ZEB1: variants seen among roughly 807,000 people sequenced by gnomAD.
The protein encoded by ZEB1 is zinc finger E-box binding homeobox 1.
Under a neutral mutation model 84.9 loss-of-function variants are expected in ZEB1, and 21 were observed. The observed-to-expected ratio is 0.25, with a 90% CI of 0.18 to 0.36. The LOEUF is 0.36. ZEB1 is among the 10% of genes least tolerant of loss of function. The pLI, the probability that ZEB1 is intolerant of heterozygous loss-of-function variation, is 1.00. For missense variants in ZEB1, 1,104 were observed against 1,330.2 expected (o/e 0.83, Z 2.65); for synonymous variants, 420 against 471.1 (o/e 0.89, Z 1.41).
chr10:31,379,753 A>G (rs1455121549), intron 1 of ZEB1, among the ~76,000 whole-genome samples: 5 of 151,818 alleles, frequency 3.3e-5, no homozygotes, highest in African/African-American at 4.8e-5. Context: ...TCAGGCATAC[A>G]CTTAAGAGAG....
chr10:31,452,742 T>TGAGAGAGAGA (rs35403055), intron 1 of ZEB1, among the ~76,000 whole-genome samples: 16 of 90,738 alleles, frequency 1.8e-4, no homozygotes, highest in Non-Finnish European at 2.3e-4. Context: ...TGTGTGTGTG[T>TGAGAGAGAGA]GAGAGAGAGA....
intron 2 of ZEB1, among the ~76,000 whole-genome samples, chr10:31,489,559 T>A (rs2066219679): frequency 6.6e-6 from 1 of 151,382 alleles, no homozygotes; most frequent in Non-Finnish European, 1.5e-5. Flanking sequence ...CTGGTCCTCT[T>A]TTTCTGCCTT....
At chr10:31,477,210 T>C (rs2064338451) in intron 2 of ZEB1, among the ~76,000 whole-genome samples, 2 of 151,988 alleles carry the variant, frequency 1.3e-5, no homozygotes, top group South Asian at 4.1e-4. Flanking sequence ...TTTTAGGATA[T>C]AGAATGAATG....
At chr10:31,509,020 T>C (rs1416653217) in intron 4 of ZEB1, among the ~76,000 whole-genome samples, 1 of 152,158 alleles carries the variant, frequency 6.6e-6, no homozygotes, top group African/African-American at 2.4e-5. Flanking sequence ...GCAGCTCCTC[T>C]GCTGGGAGGA....
chr10:31,409,999 A>T (rs2053930779), intron 1 of ZEB1, among the ~76,000 whole-genome samples: 1 of 152,078 alleles, frequency 6.6e-6, no homozygotes, highest in African/African-American at 2.4e-5. Flanking sequence ...AATACCTTTT[A>T]TTTCTTTCTC....
At chr10:31,503,835 GTA>G (rs897946917) in intron 4 of ZEB1, among the ~76,000 whole-genome samples, 1 of 151,738 alleles carries the variant, frequency 6.6e-6, no homozygotes, top group Non-Finnish European at 1.5e-5. Context: ...GCATTTTTTT[GTA>G]TATCTGTGGC....
At chr10:31,409,828 A>G (rs1262593757) in intron 1 of ZEB1, among the ~76,000 whole-genome samples, 1 of 152,202 alleles carries the variant, frequency 6.6e-6, no homozygotes, top group African/African-American at 2.4e-5. Flanking sequence ...ATTAGTGTAT[A>G]GGAATGCTTG....
intron 2 of ZEB1, among the ~76,000 whole-genome samples, chr10:31,471,904 A>C (rs2063314810): frequency 7.0e-6 from 1 of 143,826 alleles, no homozygotes; most frequent in South Asian, 2.1e-4. Context: ...AGGATTAAGA[A>C]TCTCACTCAA....
At chr10:31,405,790 A>G (rs2052890581) in intron 1 of ZEB1, among the ~76,000 whole-genome samples, 1 of 151,638 alleles carries the variant, frequency 6.6e-6, no homozygotes, top group African/African-American at 2.4e-5. Flanking sequence ...GGTTTGTTGC[A>G]CCCATCAACC....
At chr10:31,423,559 G>A (rs1591106252) in intron 1 of ZEB1, among the ~76,000 whole-genome samples, 1 of 152,192 alleles carries the variant, frequency 6.6e-6, no homozygotes, top group East Asian at 1.9e-4. Flanking sequence ...CCAAAAGGTT[G>A]TGTTACTATA....
intron 1 of ZEB1, among the ~76,000 whole-genome samples, chr10:31,428,343 G>A (rs2057255793): frequency 6.6e-6 from 1 of 152,140 alleles, no homozygotes; most frequent in African/African-American, 2.4e-5. Flanking sequence ...TCAGGAGTAG[G>A]TTATTCAGTT....
chr10:31,442,814 A>G (rs980342607), intron 1 of ZEB1, among the ~76,000 whole-genome samples: 2 of 152,218 alleles, frequency 1.3e-5, no homozygotes, highest in East Asian at 1.9e-4. Flanking sequence ...TAAAAGATCA[A>G]GTCAAATGAG....
chr10:31,323,984 TG>T (rs2034832704), intron 1 of ZEB1, among the ~76,000 whole-genome samples: 1 of 151,778 alleles, frequency 6.6e-6, no homozygotes, highest in Non-Finnish European at 1.5e-5. Context: ...TGTGTGTGTG[TG>T]TGTGTGTGTG....
intron 6 of ZEB1, among the ~76,000 whole-genome samples, chr10:31,519,089 A>C (rs779832820): frequency 3.9e-5 from 6 of 152,130 alleles, no homozygotes; most frequent in Non-Finnish European, 8.8e-5. Flanking sequence ...TTAGCCATTC[A>C]CTCATCCAAA....
intron 1 of ZEB1, among the ~76,000 whole-genome samples, chr10:31,351,148 G>T (rs1265308014): frequency 6.6e-6 from 1 of 152,154 alleles, no homozygotes; most frequent in East Asian, 1.9e-4. Flanking sequence ...TCATGGAAGA[G>T]AATTAAGAAT....
At chr10:31,323,995 GTAAA>G (rs976757266) in intron 1 of ZEB1, among the ~76,000 whole-genome samples, 1 of 139,488 alleles carries the variant, frequency 7.2e-6, no homozygotes, top group Non-Finnish European at 1.6e-5. Context: ...GTGTGTGTGT[GTAAA>G]TAGTTTTTCA....
chr10:31,480,358 A>G (rs746649753), intron 2 of ZEB1, among the ~76,000 whole-genome samples: 2 of 152,094 alleles, frequency 1.3e-5, no homozygotes, highest in African/African-American at 4.8e-5. Context: ...TAAAGAATGT[A>G]TCAGTCACTA....
chr10:31,450,042 C>CT (rs926592076), intron 1 of ZEB1, among the ~76,000 whole-genome samples: 93 of 152,240 alleles, frequency 6.1e-4, no homozygotes, highest in African/African-American at 2.2e-3. Flanking sequence ...GACCATGCTC[C>CT]TACTTCTCTA....
intron 1 of ZEB1, among the ~76,000 whole-genome samples, chr10:31,442,515 AG>A (rs2059149014): frequency 6.6e-6 from 1 of 152,184 alleles, no homozygotes; most frequent in Non-Finnish European, 1.5e-5. Flanking sequence ...TATGTAACAA[AG>A]TTGCACGTTG....
Sources: gnomAD v4.1 joint callset for allele counts (sites outside exome capture counted in the v4.1 genomes callset) on GRCh38, gnomAD v4.1.1 for gene constraint, MANE v1.5 for transcripts, NCBI Gene and HGNC (gene_info 2026-07-23, HGNC 2026-07-21) for gene names.